Variants in SLCO1B1 observed in about 807,000 individuals in gnomAD.
SLCO1B1 encodes the protein OATP-2.
In SLCO1B1, 81 loss-of-function variants were observed where a neutral mutation model predicts 70.1. The ratio of observed to expected loss-of-function variants is 1.16; its 90% CI spans 0.97 to 1.39. SLCO1B1 has a LOEUF of 1.39. Among genes scored for constraint, SLCO1B1 ranks in the 40% most tolerant of loss-of-function variants. The pLI is 0.00. For missense variants in SLCO1B1, 895 were observed against 799.6 expected (o/e 1.12, Z -1.44); for synonymous variants, 283 against 271.5 (o/e 1.04, Z -0.42).
intron 3 of SLCO1B1, among the ~76,000 whole-genome samples, chr12:21,173,949 G>T (rs1189175775): frequency 4.0e-5 from 6 of 151,802 alleles, no homozygotes; most frequent in Non-Finnish European, 5.9e-5. Context: ...AGTAGAGACG[G>T]GATTTCACTG....
chr12:21,205,119 C>T (rs1044441733), intron 10 of SLCO1B1, among the ~76,000 whole-genome samples: 2 of 151,714 alleles, frequency 1.3e-5, no homozygotes, highest in Non-Finnish European at 2.9e-5. Flanking sequence ...TCAAAGATAA[C>T]ACATCAATCC....
chr12:21,174,665 A>C lies in SLCO1B1; in HGVS notation c.315A>C (p.Gly105=), dbSNP rs760942153. The change falls in exon 4 of 15, where the codon GGA becomes GGC. Residue 105 remains glycine, a synonymous_variant. Coordinates refer to ENST00000256958, the MANE Select transcript of SLCO1B1 (RefSeq NM_006446.5). ...TTGGAATCGGTTGTTTCATTATGGG[A>C]ATTGGAGGTGTTTTGACTGCTTTGC... The part of the protein sequence containing the change: ...KLIGIGCFIM[G]IGGVLTALPH... 6 of 1,612,968 alleles carry C rather than the reference A, an allele frequency of 3.7e-6. No individual in the cohort carries two copies. Among genetic ancestry groups the C allele is most frequent in the Middle Eastern group, 1.7e-4 (1 of 6,054 alleles).
At chr12:21,167,704 T>C (rs1940703413) in intron 2 of SLCO1B1, among the ~76,000 whole-genome samples, 1 of 152,166 alleles carries the variant, frequency 6.6e-6, no homozygotes. Flanking sequence ...TTTCCATTGC[T>C]GAAACTTTGT....
At chr12:21,192,740 C>T (rs1941045344) in intron 7 of SLCO1B1, among the ~76,000 whole-genome samples, 1 of 151,874 alleles carries the variant, frequency 6.6e-6, no homozygotes, top group South Asian at 2.1e-4. Context: ...TCAGTGTGTA[C>T]TGAGAGCAAA....
chr12:21,177,433 A>G (rs1940836669), intron 5 of SLCO1B1, among the ~76,000 whole-genome samples: 1 of 152,110 alleles, frequency 6.6e-6, no homozygotes, highest in African/African-American at 2.4e-5. Flanking sequence ...TCATTTAAAG[A>G]CTTTTTGCCT....
chr12:21,204,516 T>C (rs1470848440), intron 10 of SLCO1B1, among the ~76,000 whole-genome samples: 1 of 146,090 alleles, frequency 6.8e-6, no homozygotes, highest in South Asian at 2.1e-4. Context: ...CAATTTTTTT[T>C]CCAAAAAAAA....
At chr12:21,228,504 T>C (rs541694930) in intron 14 of SLCO1B1, among the ~76,000 whole-genome samples, 5 of 152,198 alleles carry the variant, frequency 3.3e-5, no homozygotes, top group Admixed American at 6.5e-5. Flanking sequence ...AATTACACTA[T>C]GTTCAGGTTG....
chr12:21,145,109 A>G (rs893408429), intron 2 of SLCO1B1, among the ~76,000 whole-genome samples: 1 of 152,234 alleles, frequency 6.6e-6, no homozygotes, highest in East Asian at 1.9e-4. Context: ...CTTAAAAGGC[A>G]TAGAATAGCA....
At chr12:21,202,920 GTACT>G (rs1382964413) in intron 10 of SLCO1B1, among the ~76,000 whole-genome samples, 1 of 151,972 alleles carries the variant, frequency 6.6e-6, no homozygotes, top group Non-Finnish European at 1.5e-5. Flanking sequence ...TATTTATGTG[GTACT>G]TACAATTAGT....
intron 2 of SLCO1B1, 25 bp downstream of exon 2, chr12:21,141,683 G>A (rs761397156): frequency 2.1e-6 from 3 of 1,439,648 alleles, no homozygotes; most frequent in Non-Finnish European, 2.9e-6. Context: ...ATGTTTTTGA[G>A]CTAAAATAAG....
chr12:21,222,238 A>G (rs1941429959), intron 12 of SLCO1B1, 62 bp from the exon 13 acceptor site: 1 of 795,060 alleles, frequency 1.3e-6, no homozygotes, highest in Non-Finnish European at 2.0e-6. Flanking sequence ...AGAAGGTTTA[A>G]TGTTGTTTCG....
intron 7 of SLCO1B1, among the ~76,000 whole-genome samples, chr12:21,193,651 C>T (rs1008158301): frequency 2.0e-5 from 3 of 152,158 alleles, no homozygotes; most frequent in African/African-American, 7.2e-5. Context: ...GTATGCTCTG[C>T]TTCCCCTTTA....
Position 21,224,598 on chromosome 12 carries a change from A to T in SLCO1B1, c.1748-124A>T, listed in dbSNP as rs928586238. 6 of 694,792 alleles carry T rather than the reference A, an allele frequency of 8.6e-6. No homozygotes were observed. The East Asian group carries it at 1.5e-4, about 18-fold the overall frequency. 43.0% of individuals were successfully genotyped at this position (694,792 alleles called of 1,614,324 possible). ...TTATTATTGGGTAGATGCAGAACAA[A>T]ATAATAAACGAATCCTCCAAATTTT... On this transcript the variant is annotated intron_variant, in intron 13 of 14. Coordinates refer to ENST00000256958, the MANE Select transcript of SLCO1B1 (RefSeq NM_006446.5).
chr12:21,192,853 C>T (rs1941046362), intron 7 of SLCO1B1, among the ~76,000 whole-genome samples: 1 of 152,012 alleles, frequency 6.6e-6, no homozygotes. Flanking sequence ...TTTTACTGAA[C>T]ACTTCCTCTT....
intron 1 of SLCO1B1, among the ~76,000 whole-genome samples, chr12:21,133,769 G>C (rs1298177123): frequency 7.9e-5 from 12 of 152,022 alleles, no homozygotes; most frequent in South Asian, 4.1e-4. Context: ...ACAATCATGT[G>C]ATCTGCAAAC....
chr12:21,224,017 C>T (rs1941458757), intron 13 of SLCO1B1, among the ~76,000 whole-genome samples: 1 of 152,150 alleles, frequency 6.6e-6, no homozygotes, highest in South Asian at 2.1e-4. Context: ...GTGATCAGAA[C>T]ACTAACACAA....
At chr12:21,201,994 T>C (rs1310026849) in intron 9 of SLCO1B1, among the ~76,000 whole-genome samples, 1 of 152,036 alleles carries the variant, frequency 6.6e-6, no homozygotes, top group African/African-American at 2.4e-5. Context: ...ATAAAGAAAA[T>C]GTGGCACATG....
intron 3 of SLCO1B1, among the ~76,000 whole-genome samples, chr12:21,174,355 C>T (rs991002344): frequency 1.2e-4 from 19 of 152,022 alleles, no homozygotes; most frequent in African/African-American, 3.6e-4. Context: ...TAAAATTTTA[C>T]TTCACTAATA....
intron 9 of SLCO1B1, among the ~76,000 whole-genome samples, chr12:21,201,417 C>A (rs1181072941): frequency 1.3e-5 from 2 of 152,060 alleles, no homozygotes; most frequent in Admixed American, 1.3e-4. Context: ...TCCCAGTAAC[C>A]TAGCCTGAGC....
Sources: allele counts gnomAD v4.1 joint callset (sites outside exome capture counted in the v4.1 genomes callset), GRCh38; gene constraint gnomAD v4.1.1; transcripts MANE v1.5; gene names NCBI Gene and HGNC (gene_info 2026-07-23, HGNC 2026-07-21).